The following MARCHF6 variants were observed in gnomAD, a reference collection of about 807,000 sequenced individuals.
MARCHF6 encodes E3 ubiquitin-protein ligase MARCHF6.
Under a neutral mutation model 133.7 loss-of-function variants are expected in MARCHF6, and 31 were observed. That is an observed-to-expected ratio of 0.23 (90% CI 0.17 to 0.31). The LOEUF (loss-of-function observed/expected upper bound fraction) is 0.31, where lower values mean the gene tolerates loss of function less well. MARCHF6 is among the 10% of genes least tolerant of loss of function. The pLI, the probability that MARCHF6 is intolerant of heterozygous loss-of-function variation, is 1.00. For missense variants in MARCHF6, 723 were observed against 1,121.6 expected (o/e 0.64, Z 5.08); for synonymous variants, 395 against 402.5 (o/e 0.98, Z 0.22).
chr5:10,424,069 A>G (rs560995483), intron 23 of MARCHF6, among the ~76,000 whole-genome samples: 38 of 152,262 alleles, frequency 2.5e-4, no homozygotes, highest in African/African-American at 9.1e-4. Context: ...AATAAAAGAC[A>G]ACAGAAAAAC....
In MARCHF6 at chr5:10,353,918, G is replaced by A. The variant is rs1301056211; in HGVS notation, c.19+1G>A. The A allele has an allele frequency of 6.4e-7, 1 of 1,559,720 alleles. No homozygotes were observed. ...GACAAGATGGACACCGCGGAGGAAG[G>A]TAAGTCGGCGACGCGCGGCGCCCGA... On this transcript the variant is annotated splice_donor_variant, in intron 1 of 25. Transcript: ENST00000274140. LOFTEE classifies it high-confidence loss of function.
In MARCHF6 at chr5:10,403,548, C is replaced by G. The variant is rs754627206; in HGVS notation, c.1332+7C>G. ...CATTCTACTACTGAGAGAGGTAAGTCCACAGGGAAATGCTGATGCTGTACA... is the reference window on the plus strand; with the variant it reads ...CATTCTACTACTGAGAGAGGTAAGTGCACAGGGAAATGCTGATGCTGTACA... On this transcript the variant is annotated splice_region_variant and intron_variant, in intron 15 of 25. Coordinates refer to ENST00000274140, the MANE Select transcript of MARCHF6 (RefSeq NM_005885.4). The G allele has an allele frequency of 2.2e-5, 36 of 1,606,148 alleles. No homozygotes were observed. The East Asian group carries it at 7.8e-4, about 35-fold the overall frequency.
At chr5:10,359,842 T>TA (rs1163725679) in intron 1 of MARCHF6, among the ~76,000 whole-genome samples, 1 of 151,972 alleles carries the variant, frequency 6.6e-6, no homozygotes, top group Non-Finnish European at 1.5e-5. Flanking sequence ...CTGTCTCTAC[T>TA]AAAAATAGAA....
rs1488763773 is a variant in MARCHF6 at position 10,439,070 on chromosome 5, T to G, written c.*5386T>G. ...AGGATACACCTAAAGATGAGAAGCT[T>G]CATACCCAGTACTCCTCTTCATTCA... On this transcript the variant is annotated 3_prime_UTR_variant, in exon 26 of 26. Transcript: ENST00000274140. 6.6e-6 allele frequency: 1 copy of G among 152,234 alleles called. No homozygotes were observed. Among genetic ancestry groups the G allele is most frequent in the African/African-American group, 2.4e-5 (1 of 41,458 alleles). 9.4% of individuals were successfully genotyped at this position (152,234 alleles called of 1,614,324 possible).
intron 1 of MARCHF6, among the ~76,000 whole-genome samples, chr5:10,360,118 G>A (rs948538812): frequency 3.3e-5 from 5 of 151,292 alleles, no homozygotes; most frequent in South Asian, 2.1e-4. Context: ...GTAGTTTTTC[G>A]GGAGTCAAAA....
At position 10,414,508 on chromosome 5, in the gene MARCHF6, A is replaced by T. The variant is rs1739397118; in HGVS notation, c.1966+6A>T. 2 of 1,604,498 alleles carry T rather than the reference A, an allele frequency of 1.2e-6. No homozygotes were observed. Among genetic ancestry groups the T allele is most frequent in the Non-Finnish European group, 1.7e-6 (2 of 1,171,558 alleles). On this transcript the variant is annotated splice_donor_region_variant and intron_variant, in intron 20 of 25. Coordinates refer to ENST00000274140, the MANE Select transcript of MARCHF6 (RefSeq NM_005885.4). ...CATCTGCCTTACTTTACCAGGTATG[A>T]GCTTGTGCTAGCCTTCAGCTAATAG...
At chr5:10,406,052 G>A (rs987120145) in intron 16 of MARCHF6, among the ~76,000 whole-genome samples, 9 of 152,120 alleles carry the variant, frequency 5.9e-5, no homozygotes, top group South Asian at 2.1e-4. Context: ...CAGCCTTGGC[G>A]TTAGATTCTC....
rs1251334746 is a variant in MARCHF6 at position 10,426,593 on chromosome 5, T to G, written c.2506+71T>G. 4 of 1,508,050 alleles carry G rather than the reference T, an allele frequency of 2.7e-6. No homozygotes were observed. The African/African-American group carries it at 4.2e-5, about 16-fold the overall frequency. 93.4% of individuals were successfully genotyped at this position (1,508,050 alleles called of 1,614,324 possible). Reference sequence around the variant, plus strand: ...CATTGGACATTCTCTTTACCCCTAGTAAAAAGGATGTCTCACTCCATATGC... The same window carrying G: ...CATTGGACATTCTCTTTACCCCTAGGAAAAAGGATGTCTCACTCCATATGC... On this transcript the variant is annotated intron_variant, in intron 24 of 25. Transcript: ENST00000274140.
chr5:10,430,113 A>C (rs1481601143), intron 25 of MARCHF6, 85 bp downstream of exon 25: 2 of 1,445,642 alleles, frequency 1.4e-6, no homozygotes, highest in Non-Finnish European at 1.9e-6. Flanking sequence ...ATAGGAGGGA[A>C]ACATGCTCAG....
chr5:10,357,742 G>A (rs1359102692), intron 1 of MARCHF6, among the ~76,000 whole-genome samples: 1 of 152,138 alleles, frequency 6.6e-6, no homozygotes, highest in Non-Finnish European at 1.5e-5. Context: ...TTCGTTAAAT[G>A]TTTACTGAGG....
chr5:10,387,022 C>T lies in MARCHF6; in HGVS notation c.363C>T (p.Gly121=). The T allele has an allele frequency of 6.2e-7, 1 of 1,613,180 alleles. No homozygotes were observed. The highest frequency in any genetic ancestry group is 8.5e-7 in the Non-Finnish European group (1 of 1,179,262). Residue 121 remains glycine (G), a synonymous_variant, in exon 5 of 26, where the codon GGC becomes GGT. Transcript: ENST00000274140. ...ACRIYKCLFT[G]SVSSLLTLPL... The stretch of plus-strand genomic sequence containing the variant: ...GCATCTACAAGTGCTTGTTTACTGG[C>T]TCCGTGAGCTCACTACTGACGCTGC...
chr5:10,359,818 A>T (rs372663533), intron 1 of MARCHF6, among the ~76,000 whole-genome samples: 9 of 152,200 alleles, frequency 5.9e-5, no homozygotes, highest in East Asian at 3.9e-4. Flanking sequence ...CAGCCTGGAC[A>T]ACATGGCGAA....
intron 25 of MARCHF6, 35 bp from the exon 26 acceptor site, chr5:10,433,559 T>C: frequency 6.9e-7 from 1 of 1,456,298 alleles, no homozygotes; most frequent in Non-Finnish European, 9.7e-7. Flanking sequence ...TGTACATTCA[T>C]AGAAGAGAGT....
chr5:10,390,272 T>C, intron 5 of MARCHF6, 60 bp from the exon 6 acceptor site: 1 of 1,440,402 alleles, frequency 6.9e-7, no homozygotes, highest in African/African-American at 1.5e-5. Flanking sequence ...ATTTTTTACC[T>C]TTGTTTTCCT....
chr5:10,394,886 G>A (rs568180146), intron 9 of MARCHF6, 101 bp downstream of exon 9: 21 of 674,620 alleles, frequency 3.1e-5, no homozygotes, highest in Middle Eastern at 4.2e-4. Flanking sequence ...TGCAACCTCC[G>A]TCTCCTGGGT....
At chr5:10,424,081 A>G (rs889248648) in intron 23 of MARCHF6, among the ~76,000 whole-genome samples, 1 of 152,190 alleles carries the variant, frequency 6.6e-6, no homozygotes, top group East Asian at 1.9e-4. Flanking sequence ...CAGAAAAACA[A>G]AAGTTTATTA....
At chr5:10,404,509 A>T (rs1475638812) in intron 15 of MARCHF6, among the ~76,000 whole-genome samples, 3 of 152,170 alleles carry the variant, frequency 2.0e-5, no homozygotes, top group Non-Finnish European at 2.9e-5. Context: ...CGGACACTAT[A>T]CTGCATTCTG....
intron 1 of MARCHF6, among the ~76,000 whole-genome samples, chr5:10,375,380 TAGC>T (rs1352292508): frequency 6.6e-6 from 1 of 152,242 alleles, no homozygotes; most frequent in Non-Finnish European, 1.5e-5. Context: ...TGCCGGGCCT[TAGC>T]TGCCTTCCCG....
In MARCHF6 at chr5:10,437,194, A is replaced by G. The variant is rs892555611; in HGVS notation, c.*3510A>G. 4 of 152,236 alleles carry G rather than the reference A, an allele frequency of 2.6e-5. No individual in the cohort carries two copies. The highest frequency in any genetic ancestry group is 9.6e-5 in the African/African-American group (4 of 41,462). 9.4% of individuals were successfully genotyped at this position (152,236 alleles called of 1,614,324 possible). A position where few individuals can be genotyped will look rare whatever the true frequency, so the allele number is the denominator to read the frequency against. ...CTTTTTAAAACTTTCCAAGCTAGCTACTTATTTTCATTTTCAGGGTTGAGT... is the reference window on the plus strand; with the variant it reads ...CTTTTTAAAACTTTCCAAGCTAGCTGCTTATTTTCATTTTCAGGGTTGAGT... On this transcript the variant is annotated 3_prime_UTR_variant, in exon 26 of 26. Coordinates refer to ENST00000274140, the MANE Select transcript of MARCHF6 (RefSeq NM_005885.4).
Sources: allele counts gnomAD v4.1 joint callset (sites outside exome capture counted in the v4.1 genomes callset), GRCh38; gene constraint gnomAD v4.1.1; transcripts MANE v1.5; gene names NCBI Gene and HGNC (gene_info 2026-07-23, HGNC 2026-07-21).